Variants in ERCC6 observed in about 807,000 individuals in gnomAD.
ERCC6 encodes DNA excision repair protein ERCC-6.
A neutral mutation model predicts 158.7 loss-of-function variants in ERCC6; 116 were observed. The ratio of observed to expected loss-of-function variants is 0.73; its 90% CI spans 0.63 to 0.85. ERCC6 has a LOEUF of 0.85. ERCC6 is among the 40% of genes least tolerant of loss of function. ERCC6 has a pLI of 0.00. For synonymous variants in ERCC6, 678 were observed against 659.3 expected (o/e 1.03, Z -0.43); for missense variants, 1,698 against 1,799.4 (o/e 0.94, Z 1.02).
At chr10:49,444,965 T>C in the ERCC6 span, among the ~76,000 whole-genome samples, 5 of 152,070 alleles carry the variant, frequency 3.3e-5, no homozygotes, top group Non-Finnish European at 7.4e-5. Flanking sequence ...CATGACCAAA[T>C]AGGGGTTCCC....
chr10:49,449,139 C>T, the ERCC6 span, among the ~76,000 whole-genome samples: 1 of 152,200 alleles, frequency 6.6e-6, no homozygotes, highest in South Asian at 2.1e-4. Flanking sequence ...CTTGTCAACA[C>T]TTGTTACTAT....
intron 10 of ERCC6, among the ~76,000 whole-genome samples, chr10:49,482,145 C>T (rs1036665908): frequency 6.6e-6 from 1 of 152,222 alleles, no homozygotes; most frequent in Non-Finnish European, 1.5e-5. Flanking sequence ...ATGGTGGCTG[C>T]ATCCACACTG....
intron 8 of ERCC6, among the ~76,000 whole-genome samples, chr10:49,491,887 T>C (rs1410593439): frequency 2.6e-5 from 4 of 152,248 alleles, no homozygotes; most frequent in African/African-American, 9.6e-5. Flanking sequence ...ACAAATGTTT[T>C]ACAAGGGTAG....
intron 1 of ERCC6, among the ~76,000 whole-genome samples, chr10:49,534,327 C>A (rs1312877008): frequency 1.3e-5 from 2 of 152,258 alleles, no homozygotes; most frequent in African/African-American, 4.8e-5. Context: ...TTAGCAATAT[C>A]TATTAAATTA....
intron 16 of ERCC6, among the ~76,000 whole-genome samples, chr10:49,471,941 G>A (rs149167061): frequency 2.6e-5 from 4 of 152,246 alleles, no homozygotes; most frequent in East Asian, 1.9e-4. Context: ...CCATCCTGTC[G>A]ACTTCTTTGT....
intron 18 of ERCC6, among the ~76,000 whole-genome samples, chr10:49,469,704 ATAC>A (rs1850738416): frequency 6.6e-6 from 1 of 152,190 alleles, no homozygotes; most frequent in Admixed American, 6.5e-5. Context: ...GGCTATCTAT[ATAC>A]TCCATGGTCT....
At chr10:49,502,857 G>T (rs1723188772) in intron 6 of ERCC6, 1 of 152,170 alleles carries the variant, frequency 6.6e-6, no homozygotes, top group Admixed American at 6.6e-5. Flanking sequence ...TTGTGTCAAG[G>T]TCGAGAAACC....
chr10:49,467,971 C>T (rs1850707088), intron 18 of ERCC6, among the ~76,000 whole-genome samples: 1 of 152,168 alleles, frequency 6.6e-6, no homozygotes, highest in Non-Finnish European at 1.5e-5. Context: ...GCAGTGCTCA[C>T]TCTAAGGCTG....
chr10:49,474,894 C>T (rs925225974), intron 12 of ERCC6, among the ~76,000 whole-genome samples: 6 of 152,230 alleles, frequency 3.9e-5, no homozygotes, highest in African/African-American at 1.4e-4. Flanking sequence ...TAATGGGGCT[C>T]TTCCAGCCTT....
chr10:49,503,302 T>C (rs929750006), intron 6 of ERCC6: 2 of 152,136 alleles, frequency 1.3e-5, no homozygotes, highest in Non-Finnish European at 2.9e-5. Context: ...TACAATGTGC[T>C]GGGTGTTTCC....
intron 18 of ERCC6, among the ~76,000 whole-genome samples, chr10:49,466,270 T>C (rs1169439811): frequency 2.0e-5 from 3 of 152,188 alleles, no homozygotes; most frequent in Non-Finnish European, 4.4e-5. Context: ...AAAACAAATA[T>C]TGAATTCTAG....
intron 7 of ERCC6, among the ~76,000 whole-genome samples, chr10:49,495,416 T>C (rs951036583): frequency 2.0e-5 from 3 of 152,140 alleles, no homozygotes; most frequent in African/African-American, 4.8e-5. Context: ...CACAAAGATG[T>C]TGACTGTGTG....
chr10:49,514,574 G>T (rs1444914135), intron 5 of ERCC6, among the ~76,000 whole-genome samples: 3 of 152,040 alleles, frequency 2.0e-5, no homozygotes, highest in Non-Finnish European at 2.9e-5. Flanking sequence ...ATTGTACACA[G>T]AGCAGTTTAA....
chr10:49,508,572 G>A (rs945826185), intron 5 of ERCC6, among the ~76,000 whole-genome samples: 1 of 152,166 alleles, frequency 6.6e-6, no homozygotes, highest in Non-Finnish European at 1.5e-5. Context: ...AAGTGGTGGG[G>A]AAAATCATTA....
At chr10:49,479,625 C>T (rs1850941052) in intron 10 of ERCC6, among the ~76,000 whole-genome samples, 1 of 152,154 alleles carries the variant, frequency 6.6e-6, no homozygotes, top group Admixed American at 6.5e-5. Context: ...AATTTAAAAA[C>T]ATAGTCCCAC....
intron 4 of ERCC6, among the ~76,000 whole-genome samples, chr10:49,526,099 TTATATATTTATATATTTTTATATA>T (rs1837317985): frequency 2.0e-5 from 2 of 97,618 alleles, no homozygotes; most frequent in African/African-American, 8.5e-5. Context: ...ATTTATATAT[TTATATATTTATATATTTTTATATA>T]TATATATATA....
the ERCC6 span, among the ~76,000 whole-genome samples, chr10:49,449,028 T>C: frequency 6.6e-6 from 1 of 152,256 alleles, no homozygotes. Flanking sequence ...AGGCTAGCTC[T>C]GTGTTTAATC....
At chr10:49,480,517 CA>C (rs1850959608) in intron 10 of ERCC6, among the ~76,000 whole-genome samples, 2 of 152,192 alleles carry the variant, frequency 1.3e-5, no homozygotes, top group South Asian at 4.2e-4. Context: ...CCAAAGATCT[CA>C]CCCGCTAGGA....
Position 49,532,906 on chromosome 10 carries a change from C to T in ERCC6, c.59G>A (p.Ser20Asn), listed in dbSNP as rs755077879. ...SQTQEQDCLQSQPVSNNEEMA... is the reference protein window; with the variant it reads ...SQTQEQDCLQNQPVSNNEEMA... The stretch of plus-strand genomic sequence containing the variant: ...TTCTTCATTATTACTGACAGGTTGA[C>T]TCTGTAAACAGTCTTGCTCCTGAGT... The change falls in exon 2 of 21, where the codon AGT becomes AAT. Residue 20 changes from serine (S) to asparagine (N), a missense_variant. By Grantham distance (46) the Ser-to-Asn change is conservative. Transcript: ENST00000355832. 5.0e-6 allele frequency: 8 copies of T among 1,614,134 alleles called. No individual in the cohort carries two copies. The highest frequency in any genetic ancestry group is 2.2e-5 in the South Asian group (2 of 91,092).
Sources: gnomAD v4.1 joint callset for allele counts (sites outside exome capture counted in the v4.1 genomes callset) on GRCh38, gnomAD v4.1.1 for gene constraint, MANE v1.5 for transcripts, NCBI Gene and HGNC (gene_info 2026-07-23, HGNC 2026-07-21) for gene names.